The following IL18R1 variants were observed in gnomAD, a reference collection of about 807,000 sequenced individuals.
IL18R1 encodes the protein interleukin 18 receptor 1, also known as interleukin-18 receptor 1.
In IL18R1, 40 loss-of-function variants were observed where a neutral mutation model predicts 48.5. That is an observed-to-expected ratio of 0.82 (90% CI 0.64 to 1.07). IL18R1 has a LOEUF of 1.07. Among genes scored for constraint, IL18R1 ranks in the 50% least tolerant of loss-of-function variants. The pLI is 0.00. For missense variants in IL18R1, 596 were observed against 633.7 expected (o/e 0.94, Z 0.64); for synonymous variants, 232 against 225.9 (o/e 1.03, Z -0.24).
At chr2:102,357,753 T>A (rs975529889) in intron 1 of IL18R1, among the ~76,000 whole-genome samples, 1 of 151,982 alleles carries the variant, frequency 6.6e-6, no homozygotes, top group Non-Finnish European at 1.5e-5. Flanking sequence ...ATAGGCAGAT[T>A]TGGGGGGAAG....
chr2:102,391,324 C>G (rs1680559557), intron 9 of IL18R1, among the ~76,000 whole-genome samples: 1 of 152,094 alleles, frequency 6.6e-6, no homozygotes, highest in Admixed American at 6.5e-5. Flanking sequence ...TATTACACAC[C>G]TCCTTTTAAA....
chr2:102,379,632 T>C (rs141334472), intron 5 of IL18R1, among the ~76,000 whole-genome samples: 68 of 152,282 alleles, frequency 4.5e-4, no homozygotes, highest in African/African-American at 1.6e-3. Flanking sequence ...TCCAGATTCT[T>C]CTTGGCCTCT....
At position 102,356,249 on chromosome 2, in the gene IL18R1, T is replaced by G. The variant is rs2105013280; in HGVS notation, c.-180T>G. On this transcript the variant is annotated 5_prime_UTR_variant, in exon 1 of 11. Coordinates refer to ENST00000233957, the MANE Select transcript of IL18R1 (RefSeq NM_003855.5). Reference sequence around the variant, plus strand: ...TAGCCCTCTCTGGGTGCCTTATCTCTTTAATCACACCTCTCTTTCACTTTC... The same window carrying G: ...TAGCCCTCTCTGGGTGCCTTATCTCGTTAATCACACCTCTCTTTCACTTTC... 1 of 652,968 alleles carries G rather than the reference T, an allele frequency of 1.5e-6. No homozygotes were observed. The highest frequency in any genetic ancestry group is 1.9e-6 in the Non-Finnish European group (1 of 526,970). The allele number at this position is 652,968 out of a possible 1,614,324, so 40.4% of individuals were successfully genotyped here.
At chr2:102,388,145 G>T (rs940287277) in intron 8 of IL18R1, among the ~76,000 whole-genome samples, 1 of 152,110 alleles carries the variant, frequency 6.6e-6, no homozygotes, top group East Asian at 1.9e-4. Flanking sequence ...GAGCACAAAG[G>T]CTGGAAACCC....
In IL18R1 at chr2:102,387,018, T is replaced by C. The variant is rs373266089; in HGVS notation, c.949+18T>C. On this transcript the variant is annotated intron_variant, in intron 8 of 10. Coordinates refer to ENST00000233957, the MANE Select transcript of IL18R1 (RefSeq NM_003855.5). ...GAGAAAAGGTGAGAAAGATTTATTT[T>C]TGGAAGTTTTGAAACTTAGCTCATT... 3 of 1,607,276 alleles carry C rather than the reference T, an allele frequency of 1.9e-6. No homozygotes were observed. In the African/African-American group the frequency reaches 4.0e-5, roughly 22 times the overall value.
At chr2:102,372,163 A>T (rs1364338043) in intron 4 of IL18R1, 45 bp downstream of exon 4, 2 of 1,472,662 alleles carry the variant, frequency 1.4e-6, no homozygotes, top group Non-Finnish European at 1.8e-6. Context: ...GATGGAAAAG[A>T]TAAAATTCCC....
intron 5 of IL18R1, among the ~76,000 whole-genome samples, chr2:102,380,333 C>G (rs1047404781): frequency 3.3e-5 from 5 of 152,188 alleles, no homozygotes; most frequent in African/African-American, 1.2e-4. Flanking sequence ...CACACTGCCC[C>G]TTCTCAAGTC....
intron 1 of IL18R1, among the ~76,000 whole-genome samples, chr2:102,360,514 C>T (rs548246167): frequency 2.0e-5 from 3 of 152,268 alleles, no homozygotes; most frequent in South Asian, 2.1e-4. Context: ...CCGCCCATCT[C>T]GGCCTCCCAA....
chr2:102,363,405 G>A (rs908279036), intron 2 of IL18R1, among the ~76,000 whole-genome samples: 1 of 151,980 alleles, frequency 6.6e-6, no homozygotes, highest in African/African-American at 2.4e-5. Context: ...TTAAGCTTTT[G>A]GTACTTTCAA....
At chr2:102,376,177 C>T (rs906981400) in intron 5 of IL18R1, 114 bp downstream of exon 5, 56 of 741,026 alleles carry the variant, frequency 7.6e-5, no homozygotes, top group Non-Finnish European at 1.1e-4. Flanking sequence ...GTTGTGACCA[C>T]ACCACTAGTT....
chr2:102,394,616 T>G lies in IL18R1; in HGVS notation c.1259T>G (p.Val420Gly). 1 of 1,605,090 alleles carries G rather than the reference T, an allele frequency of 6.2e-7. No individual in the cohort carries two copies. Among genetic ancestry groups the G allele is most frequent in the Non-Finnish European group, 8.5e-7 (1 of 1,175,186 alleles). ...TTATGCATATTTGAAAGGGATGTAG[T>G]GCCTGGAGGAGGTAAGAGGGAATGC... Reference protein sequence around the residue: ...YKLCIFERDVVPGGAVVDEIH... With the variant: ...YKLCIFERDVGPGGAVVDEIH... Residue 420 changes from valine to glycine, a missense_variant, in exon 10 of 11, where the codon GTG becomes GGG. Transcript: ENST00000233957.
chr2:102,384,232 A>G (rs535961781), intron 6 of IL18R1, among the ~76,000 whole-genome samples: 1 of 152,286 alleles, frequency 6.6e-6, no homozygotes, highest in East Asian at 1.9e-4. Context: ...CTCTAATGAG[A>G]CTTGCTCTCC....
intron 8 of IL18R1, among the ~76,000 whole-genome samples, chr2:102,388,700 C>A (rs1010521104): frequency 6.6e-6 from 1 of 152,180 alleles, no homozygotes; most frequent in African/African-American, 2.4e-5. Flanking sequence ...CACCCCGTGC[C>A]AATGTGTGCG....
At chr2:102,382,419 T>G (rs1054199827) in intron 6 of IL18R1, among the ~76,000 whole-genome samples, 4 of 152,186 alleles carry the variant, frequency 2.6e-5, no homozygotes, top group Non-Finnish European at 5.9e-5. Flanking sequence ...TATTTGGAGT[T>G]TGTCTAGATA....
intron 2 of IL18R1, among the ~76,000 whole-genome samples, chr2:102,366,356 C>G (rs1430989294): frequency 1.3e-5 from 2 of 152,212 alleles, no homozygotes; most frequent in African/African-American, 2.4e-5. Context: ...AGTTCCTCAT[C>G]TCCATCTGAG....
At chr2:102,374,722 G>A (rs1573203764) in intron 4 of IL18R1, among the ~76,000 whole-genome samples, 1 of 151,882 alleles carries the variant, frequency 6.6e-6, no homozygotes, top group South Asian at 2.1e-4. Flanking sequence ...AGGTTGCAGC[G>A]AGCCGAGACT....
chr2:102,364,467 A>C (rs572707225), intron 2 of IL18R1, among the ~76,000 whole-genome samples: 8 of 152,324 alleles, frequency 5.3e-5, no homozygotes, highest in Admixed American at 4.6e-4. Context: ...TTAACTCTAA[A>C]ACAGGAAAAT....
chr2:102,372,201 G>C, intron 4 of IL18R1, 83 bp downstream of exon 4: 2 of 1,162,966 alleles, frequency 1.7e-6, no homozygotes, highest in Non-Finnish European at 2.4e-6. Context: ...CTACCATTCT[G>C]GTCTCATAAC....
At chr2:102,380,854 C>A (rs1351544197) in intron 5 of IL18R1, among the ~76,000 whole-genome samples, 2 of 152,190 alleles carry the variant, frequency 1.3e-5, no homozygotes, top group Non-Finnish European at 2.9e-5. Flanking sequence ...CAGTCCTGGT[C>A]ATGAGGAAAG....
Sources: gnomAD v4.1 joint callset for allele counts (sites outside exome capture counted in the v4.1 genomes callset) on GRCh38, gnomAD v4.1.1 for gene constraint, MANE v1.5 for transcripts, NCBI Gene and HGNC (gene_info 2026-07-23, HGNC 2026-07-21) for gene names.